Variants in TRIQK observed in about 807,000 individuals in gnomAD.
TRIQK encodes triple QxxK/R motif-containing protein.
Under a neutral mutation model 10.8 loss-of-function variants are expected in TRIQK, and 10 were observed. The observed-to-expected ratio is 0.92, with a 90% CI of 0.57 to 1.57. TRIQK has a LOEUF of 1.57. Ranked by LOEUF, TRIQK falls within the 40% of genes most tolerant of loss-of-function variation. The pLI, the probability that TRIQK is intolerant of heterozygous loss-of-function variation, is 0.00. For missense variants in TRIQK, 107 were observed against 97.7 expected, an observed-to-expected ratio of 1.09 and a Z score of -0.40; for synonymous variants, 33 against 33.7, an observed-to-expected ratio of 0.98 and a Z score of 0.07.
At chr8:92,906,298 G>A (rs1809254564) in intron 3 of TRIQK, among the ~76,000 whole-genome samples, 1 of 152,128 alleles carries the variant, frequency 6.6e-6, no homozygotes, top group African/African-American at 2.4e-5. Flanking sequence ...GTTGGCTGAG[G>A]TAATTTATGC....
chr8:92,898,690 A>G (rs1254951738), intron 3 of TRIQK, among the ~76,000 whole-genome samples: 2 of 151,750 alleles, frequency 1.3e-5, no homozygotes, highest in African/African-American at 4.8e-5. Flanking sequence ...TAACCATAAA[A>G]TAGGATACAA....
At position 92,886,141 on chromosome 8, in the gene TRIQK, T is replaced by C. The variant is rs923837689; in HGVS notation, c.*481A>G. Reference sequence around the variant, plus strand: ...TATGTGCAGATAGTCTCTCTAATGATGTAAAATACGTCCAGAAAGAAAGCA... The same window carrying C: ...TATGTGCAGATAGTCTCTCTAATGACGTAAAATACGTCCAGAAAGAAAGCA... On this transcript the variant is annotated 3_prime_UTR_variant, in exon 5 of 5. Coordinates refer to ENST00000521988, the MANE Select transcript of TRIQK (RefSeq NM_001171797.2). 1.3e-5 allele frequency: 2 copies of C among 152,072 alleles called. No homozygotes were observed. Among genetic ancestry groups the C allele is most frequent in the African/African-American group, 2.4e-5 (1 of 41,394 alleles). 9.4% of individuals were successfully genotyped at this position (152,072 alleles called of 1,614,324 possible).
At chr8:92,892,326 G>A (rs1330847786) in intron 3 of TRIQK, among the ~76,000 whole-genome samples, 2 of 151,782 alleles carry the variant, frequency 1.3e-5, no homozygotes, top group Admixed American at 1.3e-4. Context: ...ATAAAAACTT[G>A]TTTTAGAGAA....
At chr8:93,008,144 G>C (rs775747909) in intron 1 of TRIQK, among the ~76,000 whole-genome samples, 3 of 152,116 alleles carry the variant, frequency 2.0e-5, no homozygotes, top group Non-Finnish European at 4.4e-5. Flanking sequence ...GTAGGGGGTG[G>C]ACAGGAGGGA....
chr8:93,003,949 C>A (rs780781580), intron 1 of TRIQK, among the ~76,000 whole-genome samples: 8 of 152,214 alleles, frequency 5.3e-5, no homozygotes, highest in Non-Finnish European at 4.4e-5. Context: ...AGCTCTCTCC[C>A]TGTGGCTTGC....
intron 1 of TRIQK, among the ~76,000 whole-genome samples, chr8:92,984,420 A>T (rs1295472643): frequency 2.0e-5 from 3 of 152,138 alleles, no homozygotes; most frequent in African/African-American, 7.2e-5. Context: ...GGGGGAAAAA[A>T]GTGTTTCTAG....
chr8:92,957,427 T>C (rs1326886276), intron 1 of TRIQK, among the ~76,000 whole-genome samples: 1 of 151,808 alleles, frequency 6.6e-6, no homozygotes, highest in African/African-American at 2.4e-5. Context: ...AATATAAAGA[T>C]CTACATAAAT....
At chr8:92,916,360 G>C (rs1809842214) in intron 3 of TRIQK, among the ~76,000 whole-genome samples, 1 of 152,118 alleles carries the variant, frequency 6.6e-6, no homozygotes, top group African/African-American at 2.4e-5. Context: ...TACTAGGGTA[G>C]TATCTCCTTG....
intron 1 of TRIQK, among the ~76,000 whole-genome samples, chr8:93,010,040 CA>C (rs1813316011): frequency 2.0e-5 from 3 of 152,084 alleles, no homozygotes; most frequent in South Asian, 2.1e-4. Flanking sequence ...ACCATATAAT[CA>C]CACTCAGATG....
intron 1 of TRIQK, chr8:92,964,945 T>G (rs886166256): frequency 2.0e-5 from 3 of 152,230 alleles, no homozygotes; most frequent in Non-Finnish European, 4.4e-5. Flanking sequence ...CCTGGGGGTT[T>G]GCACTGTAAA....
intron 2 of TRIQK, among the ~76,000 whole-genome samples, chr8:92,925,886 C>T (rs1473446298): frequency 6.6e-6 from 1 of 152,070 alleles, no homozygotes; most frequent in African/African-American, 2.4e-5. Context: ...TACAAAAATA[C>T]TTTCTACAAA....
intron 4 of TRIQK, among the ~76,000 whole-genome samples, chr8:92,887,166 T>C (rs1461729678): frequency 6.6e-6 from 1 of 151,538 alleles, no homozygotes; most frequent in African/African-American, 2.4e-5. Flanking sequence ...GGCACAGTTT[T>C]TTTTTTAATT....
chr8:92,909,543 T>C (rs761975767), intron 3 of TRIQK, among the ~76,000 whole-genome samples: 6 of 151,836 alleles, frequency 4.0e-5, no homozygotes, highest in African/African-American at 7.2e-5. Context: ...AAACCAATGA[T>C]AATTTTTCAA....
chr8:92,935,057 GC>G (rs1043139564), intron 2 of TRIQK, among the ~76,000 whole-genome samples: 1 of 151,696 alleles, frequency 6.6e-6, no homozygotes, highest in Non-Finnish European at 1.5e-5. Context: ...CTTTGTGCCA[GC>G]TTTTTATCTT....
intron 2 of TRIQK, chr8:92,929,683 A>C (rs1810612846): frequency 6.6e-6 from 1 of 152,288 alleles, no homozygotes; most frequent in South Asian, 2.1e-4. Flanking sequence ...TTAAATTCTA[A>C]ACTTTTCACA....
chr8:92,960,842 G>A (rs374140688), intron 1 of TRIQK: 2 of 152,324 alleles, frequency 1.3e-5, no homozygotes, highest in African/African-American at 4.8e-5. Flanking sequence ...AGAACTGTCA[G>A]ATACTAAATT....
chr8:92,888,994 C>T (rs1816624352), intron 4 of TRIQK, among the ~76,000 whole-genome samples: 1 of 151,568 alleles, frequency 6.6e-6, no homozygotes, highest in African/African-American at 2.4e-5. Flanking sequence ...AAATAGCAAA[C>T]TTAGTTGTGC....
intron 2 of TRIQK, among the ~76,000 whole-genome samples, chr8:92,924,610 C>T (rs1057247130): frequency 4.0e-5 from 6 of 151,494 alleles, no homozygotes; most frequent in Non-Finnish European, 5.9e-5. Context: ...TTCAGATATT[C>T]AGAGATAGTT....
At chr8:92,953,785 T>A (rs2130678961) in intron 2 of TRIQK, 1 of 152,098 alleles carries the variant, frequency 6.6e-6, no homozygotes. Context: ...TTAGATTTGA[T>A]GTTGAGTAAA....
Sources: allele counts gnomAD v4.1 joint callset (sites outside exome capture counted in the v4.1 genomes callset), GRCh38; gene constraint gnomAD v4.1.1; transcripts MANE v1.5; gene names NCBI Gene and HGNC (gene_info 2026-07-23, HGNC 2026-07-21).